GPR39: variants seen among roughly 807,000 people sequenced by gnomAD.
GPR39 encodes zinc sensing receptor.
In GPR39, 23 loss-of-function variants were observed where a neutral mutation model predicts 18.4. The observed-to-expected ratio is 1.25, with a 90% CI of 0.90 to 1.77. The LOEUF (loss-of-function observed/expected upper bound fraction) is 1.77, where lower values mean the gene tolerates loss of function less well. GPR39 is among the 40% of genes most tolerant of loss of function. The pLI, the probability that GPR39 is intolerant of heterozygous loss-of-function variation, is 0.00. For missense variants in GPR39, 647 were observed against 602.4 expected (o/e 1.07, Z -0.78); for synonymous variants, 280 against 257.9 (o/e 1.09, Z -0.82).
At chr2:132,479,682 A>G (rs750942997) in intron 1 of GPR39, among the ~76,000 whole-genome samples, 5 of 152,260 alleles carry the variant, frequency 3.3e-5, no homozygotes, top group Admixed American at 6.5e-5. Context: ...GATGGCTACT[A>G]TCAAAAAACC....
chr2:132,434,990 G>A (rs1483954575), intron 1 of GPR39, among the ~76,000 whole-genome samples: 1 of 152,116 alleles, frequency 6.6e-6, no homozygotes, highest in Non-Finnish European at 1.5e-5. Context: ...AAGAAGCAGT[G>A]CCAGAAACAA....
At chr2:132,427,993 C>T (rs935273638) in intron 1 of GPR39, among the ~76,000 whole-genome samples, 2 of 147,370 alleles carry the variant, frequency 1.4e-5, no homozygotes, top group African/African-American at 5.0e-5. Flanking sequence ...ATTTAAAAGA[C>T]AGCTGATGGG....
intron 1 of GPR39, among the ~76,000 whole-genome samples, chr2:132,441,683 T>A (rs1680442737): frequency 6.6e-6 from 1 of 152,242 alleles, no homozygotes; most frequent in Non-Finnish European, 1.5e-5. Flanking sequence ...TTAGCTGTTA[T>A]GCTAGGTGCT....
chr2:132,514,625 T>A (rs1015789238), intron 1 of GPR39, among the ~76,000 whole-genome samples: 5 of 152,224 alleles, frequency 3.3e-5, no homozygotes, highest in Non-Finnish European at 7.3e-5. Flanking sequence ...AGGATGTGCC[T>A]CTGCCCTGCA....
chr2:132,474,553 C>T (rs963388019), intron 1 of GPR39, among the ~76,000 whole-genome samples: 1 of 152,202 alleles, frequency 6.6e-6, no homozygotes, highest in Non-Finnish European at 1.5e-5. Context: ...CCAGCTTGTG[C>T]ATGCATGCGT....
At chr2:132,619,009 G>T (rs2104857477) in intron 1 of GPR39, among the ~76,000 whole-genome samples, 1 of 152,284 alleles carries the variant, frequency 6.6e-6, no homozygotes, top group Non-Finnish European at 1.5e-5. Context: ...CCCGAGGACG[G>T]ACCCAGTAGC....
chr2:132,622,964 T>C (rs1681468382), intron 1 of GPR39, among the ~76,000 whole-genome samples: 1 of 152,036 alleles, frequency 6.6e-6, no homozygotes, highest in African/African-American at 2.4e-5. Flanking sequence ...ATACACAAAG[T>C]AGCCGGGTGT....
intron 1 of GPR39, among the ~76,000 whole-genome samples, chr2:132,549,211 C>A (rs893678195): frequency 6.6e-6 from 1 of 152,104 alleles, no homozygotes; most frequent in Non-Finnish European, 1.5e-5. Flanking sequence ...GTGGTGTGTA[C>A]TTGTGAGACT....
At chr2:132,484,626 C>T (rs982308860) in intron 1 of GPR39, among the ~76,000 whole-genome samples, 46 of 152,166 alleles carry the variant, frequency 3.0e-4, no homozygotes, top group African/African-American at 1.1e-3. Context: ...ATTGCACCTT[C>T]AGGGTAAGAA....
intron 1 of GPR39, among the ~76,000 whole-genome samples, chr2:132,536,812 C>T (rs1412620830): frequency 2.6e-5 from 4 of 152,134 alleles, no homozygotes; most frequent in Admixed American, 6.5e-5. Context: ...ATCCCTTTAC[C>T]GTTATGTAAT....
chr2:132,431,028 G>A (rs1266202933), intron 1 of GPR39, among the ~76,000 whole-genome samples: 6 of 152,146 alleles, frequency 3.9e-5, no homozygotes, highest in Non-Finnish European at 2.9e-5. Context: ...GGGGTCAGCA[G>A]CAGAGCCTCC....
chr2:132,557,651 T>C (rs1239662683), intron 1 of GPR39, among the ~76,000 whole-genome samples: 2 of 151,942 alleles, frequency 1.3e-5, no homozygotes, highest in African/African-American at 4.8e-5. Flanking sequence ...TTTATTAACC[T>C]GCCAGGCTGC....
In GPR39 at chr2:132,646,193, A is replaced by G; in HGVS notation, c.*587A>G. ...GCAGCAGCTGATGCAAACTGAGTTC[A>G]GTTTCCCTGGGGAGCAGAAGGACTG... On this transcript the variant is annotated 3_prime_UTR_variant, in exon 2 of 2. Transcript: ENST00000329321. 2 of 1,609,648 alleles carry G rather than the reference A, an allele frequency of 1.2e-6. No homozygotes were observed. Among genetic ancestry groups the G allele is most frequent in the South Asian group, 2.2e-5 (2 of 90,242 alleles).
At chr2:132,539,228 A>C (rs1025874089) in intron 1 of GPR39, among the ~76,000 whole-genome samples, 1 of 152,088 alleles carries the variant, frequency 6.6e-6, no homozygotes, top group African/African-American at 2.4e-5. Flanking sequence ...GATTGCAAAA[A>C]TCCATGAGAA....
At chr2:132,448,005 C>T (rs1226593136) in intron 1 of GPR39, among the ~76,000 whole-genome samples, 1 of 152,116 alleles carries the variant, frequency 6.6e-6, no homozygotes, top group African/African-American at 2.4e-5. Flanking sequence ...TAAGGCAGAC[C>T]TAGATCTTTC....
At chr2:132,602,861 C>T (rs1681067769) in intron 1 of GPR39, among the ~76,000 whole-genome samples, 1 of 88,772 alleles carries the variant, frequency 1.1e-5, no homozygotes, top group East Asian at 3.9e-4. Context: ...CCTAGAATGG[C>T]TTAAAAAGAG....
At chr2:132,564,867 A>G (rs1225177429) in intron 1 of GPR39, among the ~76,000 whole-genome samples, 1 of 112,136 alleles carries the variant, frequency 8.9e-6, no homozygotes, top group Non-Finnish European at 1.7e-5. Context: ...CCCAGGCTGG[A>G]GTACAGTGGC....
intron 1 of GPR39, among the ~76,000 whole-genome samples, chr2:132,637,980 A>G (rs1681793699): frequency 6.6e-6 from 1 of 152,154 alleles, no homozygotes; most frequent in African/African-American, 2.4e-5. Context: ...GATCTTGAAT[A>G]AAGATGGGTA....
intron 1 of GPR39, among the ~76,000 whole-genome samples, chr2:132,547,244 G>A (rs1573659405): frequency 6.6e-6 from 1 of 152,176 alleles, no homozygotes; most frequent in South Asian, 2.1e-4. Context: ...TTTGCAAATG[G>A]CATTTCCCTG....
Sources: gnomAD v4.1 joint callset for allele counts (sites outside exome capture counted in the v4.1 genomes callset) on GRCh38, gnomAD v4.1.1 for gene constraint, MANE v1.5 for transcripts, NCBI Gene and HGNC (gene_info 2026-07-23, HGNC 2026-07-21) for gene names.